The following TRABD2B variants were observed in gnomAD, a reference collection of about 807,000 sequenced individuals.
TRABD2B encodes TraB domain containing 2B, also known as metalloprotease TIKI2.
TRABD2B carries 14 observed loss-of-function variants against 40.1 expected under a neutral mutation model. The observed-to-expected ratio is 0.35, with a 90% CI of 0.23 to 0.55. The LOEUF (loss-of-function observed/expected upper bound fraction) is 0.55, where lower values mean the gene tolerates loss of function less well. Ranked by LOEUF, TRABD2B falls within the 20% of genes least tolerant of loss-of-function variation. The probability of loss-of-function intolerance (pLI) is 0.90; values close to 1 mark genes in which losing one functional copy is unlikely to be tolerated. For synonymous variants in TRABD2B, 263 were observed against 277.0 expected, an observed-to-expected ratio of 0.95 and a Z score of 0.50; for missense variants, 541 against 648.6, an observed-to-expected ratio of 0.83 and a Z score of 1.80.
intron 2 of TRABD2B, among the ~76,000 whole-genome samples, chr1:47,872,378 GC>G (rs1644155909): frequency 6.6e-6 from 1 of 152,094 alleles, no homozygotes; most frequent in Non-Finnish European, 1.5e-5. Flanking sequence ...CACTCTCCCT[GC>G]CACCTCCGGG....
chr1:47,917,126 A>C (rs539159599), intron 2 of TRABD2B, among the ~76,000 whole-genome samples: 48 of 152,200 alleles, frequency 3.2e-4, no homozygotes, highest in South Asian at 1.9e-3. Flanking sequence ...TCCAGCACGC[A>C]AGGACGGGCT....
intron 2 of TRABD2B, among the ~76,000 whole-genome samples, chr1:47,814,855 C>T (rs1295273880): frequency 6.6e-6 from 1 of 152,212 alleles, no homozygotes; most frequent in African/African-American, 2.4e-5. Context: ...GTGCCAACTT[C>T]TGCTTTTTGC....
intron 2 of TRABD2B, among the ~76,000 whole-genome samples, chr1:47,805,831 C>A (rs1644884170): frequency 6.6e-6 from 1 of 150,984 alleles, no homozygotes; most frequent in South Asian, 2.1e-4. Flanking sequence ...AAAAAAAAAA[C>A]TGCAGCAAAG....
rs774813561 is a variant in TRABD2B at position 47,886,737 on chromosome 1, A to G, written c.667-85118T>C. Among the ~76,000 whole-genome samples the G allele has an allele frequency of 2.6e-5, 4 of 152,356 alleles. No homozygotes were observed. The South Asian group carries it at 8.3e-4, about 32-fold the overall frequency. Reference sequence around the variant, plus strand: ...ACTGCCAGGCCCTGTGTTAGGGGCTAGGGACAAACAGTGGTGAATTGGCCA... The same window carrying G: ...ACTGCCAGGCCCTGTGTTAGGGGCTGGGGACAAACAGTGGTGAATTGGCCA... On this transcript the variant is annotated intron_variant, in intron 2 of 6. Coordinates refer to ENST00000606738, the MANE Select transcript of TRABD2B (RefSeq NM_001194986.2).
intron 2 of TRABD2B, among the ~76,000 whole-genome samples, chr1:47,837,172 G>T (rs1202310028): frequency 6.6e-6 from 1 of 152,204 alleles, no homozygotes; most frequent in Non-Finnish European, 1.5e-5. Context: ...GATGAGAACA[G>T]TTGCTGGTGG....
chr1:47,889,691 A>G (rs754436251), intron 2 of TRABD2B, among the ~76,000 whole-genome samples: 1 of 152,212 alleles, frequency 6.6e-6, no homozygotes, highest in Non-Finnish European at 1.5e-5. Context: ...CTCTCCAGGT[A>G]TCTAGAATCC....
chr1:47,976,457 A>G (rs1372207273), intron 2 of TRABD2B, among the ~76,000 whole-genome samples: 1 of 152,162 alleles, frequency 6.6e-6, no homozygotes, highest in Non-Finnish European at 1.5e-5. Context: ...TTCAACAATC[A>G]TTAACTGATT....
intron 6 of TRABD2B, among the ~76,000 whole-genome samples, chr1:47,769,953 C>T (rs75758507): frequency 6.6e-6 from 1 of 151,566 alleles, no homozygotes; most frequent in South Asian, 2.1e-4. Flanking sequence ...GGTGGAAGCC[C>T]AAGGCAGAAA....
intron 2 of TRABD2B, among the ~76,000 whole-genome samples, chr1:47,811,288 C>A (rs540355027): frequency 2.0e-4 from 30 of 152,228 alleles, no homozygotes; most frequent in African/African-American, 7.0e-4. Context: ...CACCCAGTGC[C>A]CAGCCACAAC....
At chr1:47,922,956 T>A (rs911122333) in intron 2 of TRABD2B, among the ~76,000 whole-genome samples, 12 of 152,178 alleles carry the variant, frequency 7.9e-5, no homozygotes, top group African/African-American at 2.7e-4. Flanking sequence ...AAGCTCAGGG[T>A]CTGGCCTCGG....
At chr1:47,922,242 G>T (rs939480022) in intron 2 of TRABD2B, among the ~76,000 whole-genome samples, 6 of 152,214 alleles carry the variant, frequency 3.9e-5, no homozygotes, top group Admixed American at 3.9e-4. Context: ...CTGCCATGGA[G>T]AGTGGTTACT....
chr1:47,856,613 T>G (rs1415616465), intron 2 of TRABD2B, among the ~76,000 whole-genome samples: 1 of 152,142 alleles, frequency 6.6e-6, no homozygotes, highest in African/African-American at 2.4e-5. Flanking sequence ...AGTCATGATG[T>G]CCTGATGGTC....
At chr1:47,953,754 C>G (rs1275864387) in intron 2 of TRABD2B, among the ~76,000 whole-genome samples, 2 of 152,194 alleles carry the variant, frequency 1.3e-5, no homozygotes, top group Non-Finnish European at 2.9e-5. Flanking sequence ...TGCCTGGCTT[C>G]AGAAGACACT....
intron 2 of TRABD2B, among the ~76,000 whole-genome samples, chr1:47,903,281 C>T (rs1003258747): frequency 2.6e-5 from 4 of 152,172 alleles, no homozygotes; most frequent in Admixed American, 1.3e-4. Context: ...GCACACCCTA[C>T]GTCAGGGGGC....
chr1:47,883,976 AT>A (rs1211628305), intron 2 of TRABD2B, among the ~76,000 whole-genome samples: 1 of 152,190 alleles, frequency 6.6e-6, no homozygotes, highest in Non-Finnish European at 1.5e-5. Flanking sequence ...CTTGGAAAGG[AT>A]GATTGTGCTT....
rs1646096840 is a variant in TRABD2B at position 47,996,670 on chromosome 1, G to A, written c.102+18C>T. 2 of 1,228,806 alleles carry A rather than the reference G, an allele frequency of 1.6e-6. No individual in the cohort carries two copies. Among genetic ancestry groups the A allele is most frequent in the Non-Finnish European group, 2.0e-6 (2 of 984,934 alleles). The allele number at this position is 1,228,806 out of a possible 1,614,324, so 76.1% of individuals were successfully genotyped here. A position where few individuals can be genotyped will look rare whatever the true frequency, so the allele number is the denominator to read the frequency against. On this transcript the variant is annotated intron_variant, in intron 1 of 6. Transcript: ENST00000606738. The surrounding 1 kb of genome is among the most constrained non-coding windows in gnomAD (Gnocchi z 4.6). ...TACCCAGGCAGGCGGGAGAGTGGCC[G>A]GGCAGGCGCTCGCTCACCGATCCGG...
chr1:47,850,559 C>T (rs1028408207), intron 2 of TRABD2B, among the ~76,000 whole-genome samples: 3 of 152,218 alleles, frequency 2.0e-5, no homozygotes, highest in African/African-American at 4.8e-5. Context: ...GAGCCTTGAC[C>T]CTTGGTCTCC....
Position 47,830,254 on chromosome 1 carries a change from G to A in TRABD2B, c.667-28635C>T, listed in dbSNP as rs186114347. Among the ~76,000 whole-genome samples, 35 of 152,364 alleles carry A rather than the reference G, an allele frequency of 2.3e-4. No homozygotes were observed. The East Asian group carries it at 4.8e-3, about 21-fold the overall frequency. On this transcript the variant is annotated intron_variant, in intron 2 of 6. Transcript: ENST00000606738. ...GCCCCAAGGATGGGCCTGGCCCAGA[G>A]GATGGCCCTCAATACATCTTTGATG...
chr1:47,972,793 C>CT (rs1353251778), intron 2 of TRABD2B, among the ~76,000 whole-genome samples: 2 of 152,182 alleles, frequency 1.3e-5, no homozygotes, highest in East Asian at 3.9e-4. Flanking sequence ...CGCTAATTCT[C>CT]TAACAGAAAC....
Sources: gnomAD v4.1 joint callset for allele counts (sites outside exome capture counted in the v4.1 genomes callset) on GRCh38, gnomAD v4.1.1 for gene constraint, Gnocchi (gnomAD v3.1) non-coding constraint, MANE v1.5 for transcripts, NCBI Gene and HGNC (gene_info 2026-07-23, HGNC 2026-07-21) for gene names.